DMD: variants seen among roughly 807,000 people sequenced by gnomAD.
DMD encodes dystrophin, also known as mutant dystrophin.
In DMD, 63 loss-of-function variants were observed where a neutral mutation model predicts 330.1. That is an observed-to-expected ratio of 0.19 (90% CI 0.16 to 0.24). DMD has a LOEUF of 0.24. Among genes scored for constraint, DMD ranks in the 10% least tolerant of loss-of-function variants. The pLI, the probability that DMD is intolerant of heterozygous loss-of-function variation, is 1.00. For synonymous variants in DMD, 1,223 were observed against 959.8 expected (o/e 1.27, Z -5.07); for missense variants, 3,344 against 2,684.1 (o/e 1.25, Z -5.43).
At chrX:31,161,791 G>A (rs1057265753) in intron 74 of DMD, among the ~76,000 whole-genome samples, 3 of 110,790 alleles carry the variant, frequency 2.7e-5, no homozygotes, top group Admixed American at 9.6e-5. Context: ...CCTCCCCCCC[G>A]TCAAAAAGCC....
At position 31,492,668 on chromosome X, in the gene DMD, A is replaced by G. The variant is rs772280917; in HGVS notation, c.8547+4120T>C. Among the ~76,000 whole-genome samples the G allele has an allele frequency of 3.6e-5, 4 of 111,863 alleles. No homozygotes were observed. The East Asian group carries it at 1.1e-3, about 31-fold the overall frequency. On this transcript the variant is annotated intron_variant, in intron 57 of 78. Coordinates refer to ENST00000357033, the MANE Select transcript of DMD (RefSeq NM_004006.3). Reference sequence around the variant, plus strand: ...ATACTGGATTAAGAAAATGTGGCACATGTACACCATGGAATACTGTGAAGC... The same window carrying G: ...ATACTGGATTAAGAAAATGTGGCACGTGTACACCATGGAATACTGTGAAGC...
At position 32,272,500 on chromosome X, in the gene DMD, A is replaced by T. The variant is rs1402183088; in HGVS notation, c.6290+15029T>A. Among the ~76,000 whole-genome samples, 4 of 112,302 alleles carry T rather than the reference A, an allele frequency of 3.6e-5. 1 individual carries two copies. The Admixed American group carries it at 3.8e-4, about 11-fold the overall frequency. On this transcript the variant is annotated intron_variant, in intron 43 of 78. Transcript: ENST00000357033. The stretch of plus-strand genomic sequence containing the variant: ...CATTATACGTATTTGTGTTGTTTCT[A>T]CTGATGTCTATAGATCTGGAAGGAA...
intron 1 of DMD, among the ~76,000 whole-genome samples, chrX:33,293,608 T>G (rs1442946058): frequency 1.8e-5 from 2 of 111,019 alleles, no homozygotes; most frequent in Non-Finnish European, 3.8e-5. Context: ...CTAGCTGCAA[T>G]GGAGGATGAA....
At chrX:32,136,647 G>C (rs1174083408) in intron 44 of DMD, among the ~76,000 whole-genome samples, 1 of 112,309 alleles carries the variant, frequency 8.9e-6, no homozygotes, top group Admixed American at 9.4e-5. Context: ...TCCTTGTTCT[G>C]CCTTGTCCTT....
rs747732332 is a variant in DMD at position 31,519,987 on chromosome X, C to T, written c.8218-12534G>A. Among the ~76,000 whole-genome samples, 73 of 111,122 alleles carry T rather than the reference C, an allele frequency of 6.6e-4. 1 individual carries two copies. The highest frequency in any genetic ancestry group is 1.1e-3 in the Non-Finnish European group (57 of 53,055). On this transcript the variant is annotated intron_variant, in intron 55 of 78. Coordinates refer to ENST00000357033, the MANE Select transcript of DMD (RefSeq NM_004006.3). ...TTCTTCTCTTATACAATAGGGTGAA[C>T]AGTGATGGGGAGAAAACAAAGTTAC...
chrX:32,189,526 A>G (rs137913211), intron 44 of DMD, among the ~76,000 whole-genome samples: 1 of 111,361 alleles, frequency 9.0e-6, no homozygotes, highest in African/African-American at 3.3e-5. Context: ...TTGGGCCACA[A>G]AACTTAAAAT....
intron 7 of DMD, among the ~76,000 whole-genome samples, chrX:32,707,238 T>A (rs1463922045): frequency 8.9e-6 from 1 of 112,570 alleles, no homozygotes; most frequent in East Asian, 2.8e-4. Flanking sequence ...TATGTTCTCA[T>A]GAAAGAATGA....
intron 3 of DMD, among the ~76,000 whole-genome samples, chrX:32,849,057 A>G (rs894436519): frequency 9.0e-6 from 1 of 111,538 alleles, no homozygotes; most frequent in Non-Finnish European, 1.9e-5. Flanking sequence ...GAAGGCTATG[A>G]TTTAGCAGAA....
intron 44 of DMD, among the ~76,000 whole-genome samples, chrX:32,162,154 C>T (rs868580607): frequency 8.1e-5 from 9 of 111,177 alleles, no homozygotes; most frequent in South Asian, 7.7e-4. Context: ...ACATTCTGCA[C>T]GTGTATCCCA....
chrX:32,528,901 ATTTC>A (rs2047180548), intron 17 of DMD, among the ~76,000 whole-genome samples: 2 of 57,124 alleles, frequency 3.5e-5, no homozygotes, highest in Non-Finnish European at 6.2e-5. Context: ...AAACCAATGT[ATTTC>A]TTTTTTTTTT....
chrX:33,075,883 C>G (rs1296869649), intron 1 of DMD, among the ~76,000 whole-genome samples: 1 of 111,773 alleles, frequency 8.9e-6, no homozygotes, highest in Non-Finnish European at 1.9e-5. Flanking sequence ...CAAAACCAAC[C>G]TCCTTCTTGC....
intron 1 of DMD, among the ~76,000 whole-genome samples, chrX:33,071,908 T>C (rs2094764019): frequency 8.9e-6 from 1 of 112,062 alleles, no homozygotes; most frequent in Admixed American, 9.5e-5. Flanking sequence ...AGTGAAAAGA[T>C]TGTACTATTT....
chrX:31,123,832 G>T (rs1234377125), intron 78 of DMD, among the ~76,000 whole-genome samples: 2 of 111,674 alleles, frequency 1.8e-5, no homozygotes, highest in African/African-American at 6.5e-5. Flanking sequence ...AACGAAAAGG[G>T]GAGAAAACTC....
intron 16 of DMD, among the ~76,000 whole-genome samples, chrX:32,548,107 G>A (rs1030796215): frequency 9.0e-6 from 1 of 111,352 alleles, no homozygotes; most frequent in Non-Finnish European, 1.9e-5. Flanking sequence ...TTCTAAAACT[G>A]TGTAAGTTAT....
At position 32,460,362 on chromosome X, in the gene DMD, G is replaced by GT. The variant is rs747045799; in HGVS notation, c.3432+3076dup. Among the ~76,000 whole-genome samples the GT allele has an allele frequency of 2.6e-3, 273 of 105,831 alleles. 1 individual carries two copies. The highest frequency in any genetic ancestry group is 7.8e-3 in the African/African-American group (230 of 29,356). 91.9% of individuals were successfully genotyped at this position (105,831 alleles called of 115,157 possible). A position where few individuals can be genotyped will look rare whatever the true frequency, so the allele number is the denominator to read the frequency against. On this transcript the variant is annotated intron_variant, in intron 25 of 78. Transcript: ENST00000357033. ...CACAAATATCCCCTTTTTCCTGCCT[G>GT]TTTTTTTTTTCTACCTGGACAATTG...
At chrX:32,753,999 C>A (rs1198901492) in intron 7 of DMD, among the ~76,000 whole-genome samples, 1 of 110,733 alleles carries the variant, frequency 9.0e-6, no homozygotes, top group East Asian at 2.8e-4. Context: ...TTCATTTTGA[C>A]CCCCCACCCA....
At chrX:31,347,953 A>G (rs908527118) in intron 61 of DMD, among the ~76,000 whole-genome samples, 1 of 111,826 alleles carries the variant, frequency 8.9e-6, no homozygotes, top group Admixed American at 9.5e-5. Flanking sequence ...CTTGATTTGC[A>G]TTTCCCTGGT....
intron 7 of DMD, among the ~76,000 whole-genome samples, chrX:32,739,133 T>G (rs2068903554): frequency 8.9e-6 from 1 of 111,872 alleles, no homozygotes; most frequent in African/African-American, 3.2e-5. Flanking sequence ...CAATTCTCAC[T>G]TTCATTTTCT....
chrX:31,819,170 TTATGAATACCTTC>T lies in DMD; in HGVS notation c.7309+792_7309+804del, dbSNP rs1468652108. Among the ~76,000 whole-genome samples, 3 of 112,322 alleles carry T rather than the reference TTATGAATACCTTC, an allele frequency of 2.7e-5. No individual in the cohort carries two copies. In the Admixed American group the frequency reaches 2.8e-4, roughly 11 times the overall value. ...CCAGCATTAACATTGCCATGAGAAT[TTATGAATACCTTC>T]TATCAACAACTGAAGAGGAAAGAAA... is the stretch of plus-strand genomic sequence containing the variant. On this transcript the variant is annotated intron_variant, in intron 50 of 78. Coordinates refer to ENST00000357033, the MANE Select transcript of DMD (RefSeq NM_004006.3).
Sources: allele counts gnomAD v4.1 joint callset (sites outside exome capture counted in the v4.1 genomes callset), GRCh38; gene constraint gnomAD v4.1.1; transcripts MANE v1.5; gene names NCBI Gene and HGNC (gene_info 2026-07-23, HGNC 2026-07-21).